Variants in USP40 observed in about 807,000 individuals in gnomAD.
The protein encoded by USP40 is ubiquitin carboxyl-terminal hydrolase 40.
USP40 carries 143 observed loss-of-function variants against 166.2 expected under a neutral mutation model. The ratio of observed to expected loss-of-function variants is 0.86; its 90% CI spans 0.75 to 0.99. USP40 has a LOEUF of 0.99. Ranked by LOEUF, USP40 falls within the 50% of genes least tolerant of loss-of-function variation. The pLI is 0.00. For missense variants in USP40, 1,444 were observed against 1,479.7 expected, an observed-to-expected ratio of 0.98 and a Z score of 0.40; for synonymous variants, 498 against 524.0, an observed-to-expected ratio of 0.95 and a Z score of 0.68.
At chr2:233,490,930 G>A (rs1411732414) in intron 26 of USP40, 1 of 659,784 alleles carries the variant, frequency 1.5e-6, no homozygotes, top group Non-Finnish European at 2.9e-6. Flanking sequence ...AGTCACTGAG[G>A]ATAGATTGAA....
intron 21 of USP40, among the ~76,000 whole-genome samples, chr2:233,509,660 G>C (rs1215057095): frequency 6.6e-6 from 1 of 151,822 alleles, no homozygotes; most frequent in East Asian, 1.9e-4. Flanking sequence ...GGCTAACATG[G>C]AGAAACCCCA....
intron 14 of USP40, among the ~76,000 whole-genome samples, chr2:233,525,149 T>C (rs566983977): frequency 6.6e-6 from 1 of 152,300 alleles, no homozygotes; most frequent in East Asian, 1.9e-4. Flanking sequence ...CACATAAATA[T>C]GATTCAGATG....
At chr2:233,554,208 A>G (rs967456292) in intron 6 of USP40, 172 bp downstream of exon 6, 9 of 680,344 alleles carry the variant, frequency 1.3e-5, no homozygotes, top group Non-Finnish European at 1.9e-5. Context: ...GTTGGGTTGA[A>G]AGCCTTAAAA....
chr2:233,503,899 T>C (rs541072703), intron 21 of USP40, among the ~76,000 whole-genome samples: 2 of 152,258 alleles, frequency 1.3e-5, no homozygotes, highest in South Asian at 4.1e-4. Flanking sequence ...TGGTGCTATA[T>C]AAATTTATCA....
At chr2:233,495,750 C>T (rs1022373637) in intron 24 of USP40, among the ~76,000 whole-genome samples, 4 of 152,154 alleles carry the variant, frequency 2.6e-5, no homozygotes, top group African/African-American at 9.7e-5. Context: ...AGTAGGGACA[C>T]TTGCTTTTCC....
At chr2:233,563,678 A>T (rs1224674893) in intron 2 of USP40, among the ~76,000 whole-genome samples, 1 of 152,170 alleles carries the variant, frequency 6.6e-6, no homozygotes, top group Non-Finnish European at 1.5e-5. Flanking sequence ...TATTATTTAA[A>T]ATACTATTCC....
intron 31 of USP40, among the ~76,000 whole-genome samples, chr2:233,479,664 A>T (rs2064432634): frequency 7.8e-6 from 1 of 128,182 alleles, no homozygotes; most frequent in South Asian, 2.4e-4. Context: ...TGTGTGTCTG[A>T]CCTTTAAACA....
intron 2 of USP40, among the ~76,000 whole-genome samples, chr2:233,564,422 C>A (rs2125414025): frequency 6.6e-6 from 1 of 152,262 alleles, no homozygotes. Flanking sequence ...CACGGGAACA[C>A]AGCTCCTAGG....
At chr2:233,541,925 A>G (rs1479272649) in intron 9 of USP40, among the ~76,000 whole-genome samples, 1 of 152,242 alleles carries the variant, frequency 6.6e-6, no homozygotes, top group African/African-American at 2.4e-5. Context: ...CCCAATTCCA[A>G]TATACATATA....
At chr2:233,518,499 G>T (rs903999568) in intron 18 of USP40, among the ~76,000 whole-genome samples, 1 of 150,582 alleles carries the variant, frequency 6.6e-6, no homozygotes, top group Non-Finnish European at 1.5e-5. Flanking sequence ...CCTGGGAGAC[G>T]GAGGTTGCAG....
chr2:233,510,387 T>C (rs111795173), intron 20 of USP40, among the ~76,000 whole-genome samples: 21,447 of 130,830 alleles, frequency 0.16, 2,507 homozygotes, highest in Admixed American at 0.26. Context: ...TACTTCTTTT[T>C]CTTTCTTTTT....
At chr2:233,515,324 T>C (rs2067110136) in intron 18 of USP40, among the ~76,000 whole-genome samples, 1 of 152,234 alleles carries the variant, frequency 6.6e-6, no homozygotes, top group Non-Finnish European at 1.5e-5. Flanking sequence ...CTTACCCATT[T>C]TACCTTCCCA....
intron 28 of USP40, among the ~76,000 whole-genome samples, chr2:233,487,371 A>G (rs2065012655): frequency 2.0e-5 from 3 of 152,248 alleles, no homozygotes; most frequent in Admixed American, 2.0e-4. Context: ...AAATACTCAT[A>G]TTCTGGAACA....
At chr2:233,537,892 T>G (rs2069049841) in intron 10 of USP40, among the ~76,000 whole-genome samples, 1 of 152,104 alleles carries the variant, frequency 6.6e-6, no homozygotes, top group South Asian at 2.1e-4. Context: ...AAAAGATAAA[T>G]ACGAAACACT....
intron 11 of USP40, among the ~76,000 whole-genome samples, chr2:233,529,875 T>C (rs1346663491): frequency 1.4e-5 from 2 of 147,980 alleles, no homozygotes; most frequent in Non-Finnish European, 3.0e-5. Flanking sequence ...TGGCGCAATC[T>C]TAGCTCACTC....
chr2:233,512,696 A>G, intron 18 of USP40, 74 bp from the exon 19 acceptor site: 2 of 794,056 alleles, frequency 2.5e-6, no homozygotes, highest in Non-Finnish European at 3.7e-6. Flanking sequence ...TCAAAATAAA[A>G]GGAAGCTGGT....
rs1466084109 is a variant in USP40, at chr2:233,499,934, T to C, written c.2614-19A>G. On this transcript the variant is annotated intron_variant, in intron 21 of 31. Coordinates refer to ENST00000678225, the MANE Select transcript of USP40 (RefSeq NM_001365479.2). Reference sequence around the variant, plus strand: ...TTAAACACTGTAAAGAAAAACAATGTCCAATGTTAGTTTTCTGTTTCTGAG... The same window carrying C: ...TTAAACACTGTAAAGAAAAACAATGCCCAATGTTAGTTTTCTGTTTCTGAG... The C allele has an allele frequency of 1.2e-6, 2 of 1,609,350 alleles. No individual in the cohort carries two copies. Among genetic ancestry groups the C allele is most frequent in the Admixed American group, 1.7e-5 (1 of 59,558 alleles).
At chr2:233,499,165 C>T (rs377725292) in intron 22 of USP40, among the ~76,000 whole-genome samples, 1 of 150,956 alleles carries the variant, frequency 6.6e-6, no homozygotes, top group South Asian at 2.1e-4. Context: ...TCCCACCCCC[C>T]CATACACCAA....
At chr2:233,503,871 A>G (rs1426032998) in intron 21 of USP40, among the ~76,000 whole-genome samples, 1 of 152,166 alleles carries the variant, frequency 6.6e-6, no homozygotes, top group African/African-American at 2.4e-5. Context: ...TCATACTTGG[A>G]ATACCCCAGT....
Sources: gnomAD v4.1 joint callset for allele counts (sites outside exome capture counted in the v4.1 genomes callset) on GRCh38, gnomAD v4.1.1 for gene constraint, MANE v1.5 for transcripts, NCBI Gene and HGNC (gene_info 2026-07-23, HGNC 2026-07-21) for gene names.